Variants in IFI6 observed in about 807,000 individuals in gnomAD.
IFI6 encodes interferon alpha-inducible protein 6.
IFI6 carries 10 observed loss-of-function variants against 12.7 expected under a neutral mutation model. The observed-to-expected ratio is 0.79, with a 90% confidence interval of 0.49 to 1.33. The LOEUF is 1.33. Among genes scored for constraint, IFI6 ranks in the 40% most tolerant of loss-of-function variants. The pLI is 0.00. For synonymous variants in IFI6, 89 were observed against 86.2 expected (o/e 1.03, Z -0.18); for missense variants, 154 against 180.4 (o/e 0.85, Z 0.84).
rs758146778 is a variant in IFI6 at position 27,666,452 on chromosome 1, T to G, written c.322A>C (p.Ile108Leu). ...SLGAGGSSVVIGNIGALMGYA... is the reference protein window; with the variant it reads ...SLGAGGSSVVLGNIGALMGYA... ...CCCATCAGGGCACCAATATTACCTA[T>G]GACGACGCTGCTGCCACCAGCCCCT... is the stretch of plus-strand genomic sequence containing the variant. Residue 108 changes from isoleucine to leucine, a missense_variant, in exon 5 of 5, where the codon ATA (isoleucine) becomes CTA (leucine). Ile to Leu is a conservative substitution (Grantham distance 5). Coordinates refer to ENST00000361157, the MANE Select transcript of IFI6 (RefSeq NM_002038.4). 2 of 1,613,894 alleles carry G rather than the reference T, an allele frequency of 1.2e-6. No homozygotes were observed. The highest frequency in any genetic ancestry group is 1.7e-6 in the Non-Finnish European group (2 of 1,179,890).
intron 1 of IFI6, 107 bp from the exon 2 acceptor site, chr1:27,669,453 T>A: frequency 1.5e-6 from 1 of 688,916 alleles, no homozygotes; most frequent in Middle Eastern, 3.4e-4. Context: ...CAGCGAGGTG[T>A]GGTGAATGGA....
Position 27,668,546 on chromosome 1 carries a change from G to A in IFI6, c.71-11C>T, listed in dbSNP as rs1275131666. 6 of 1,587,696 alleles carry A rather than the reference G, an allele frequency of 3.8e-6. No homozygotes were observed. The Admixed American group carries it at 1.0e-4, about 27-fold the overall frequency. On this transcript the variant is annotated splice_polypyrimidine_tract_variant and intron_variant, in intron 2 of 4. Transcript: ENST00000361157. ...AGCACTTTTTCTTACCTGCAGGAGA[G>A]CAGACAAAGCGTAGTGGGGGTGTTG...
intron 2 of IFI6, 71 bp downstream of exon 2, chr1:27,669,162 CGCATCCTTACCT>C (rs1231705568): frequency 6.3e-6 from 9 of 1,417,652 alleles, no homozygotes; most frequent in Middle Eastern, 3.5e-4. Context: ...CATCCTTACC[CGCATCCTTACCT>C]GCACCCTTAC....
rs866931464 is a variant in IFI6 at position 27,666,313 on chromosome 1, G to T, written c.*68C>A. 2.2e-5 allele frequency: 8 copies of T among 370,436 alleles called. No individual in the cohort carries two copies. Among genetic ancestry groups the T allele is most frequent in the Non-Finnish European group, 3.5e-5 (8 of 225,408 alleles). 22.9% of individuals were successfully genotyped at this position (370,436 alleles called of 1,614,324 possible). A position where few individuals can be genotyped will look rare whatever the true frequency, so the allele number is the denominator to read the frequency against. On this transcript the variant is annotated 3_prime_UTR_variant, in exon 5 of 5. Transcript: ENST00000361157. ...TCAAAAAAAAAAAAAAAAAAAAAAA[G>T]GCAAAGTTCTAGATCCTAACTGGAA...
intron 1 of IFI6, chr1:27,669,627 C>T (rs2808428): frequency 0.98 from 378,743 of 387,268 alleles, 185,713 homozygotes; most frequent in East Asian, 1. Context: ...GTGGTTGTTC[C>T]TGGCCTTGTA....
intron 2 of IFI6, 65 bp downstream of exon 2, chr1:27,669,180 C>T (rs374131206): frequency 6.6e-7 from 1 of 1,517,154 alleles, no homozygotes; most frequent in Non-Finnish European, 9.0e-7. Context: ...TACCTGCACC[C>T]TTACTTGCAT....
rs184805184 is a variant in IFI6, at chr1:27,667,928, G to C, written c.298+298C>G. ...TCTACTAAAAATACAAAAATTAGCC[G>C]GGCGTGGTGGCGTGTGCCTGTAATC... On this transcript the variant is annotated intron_variant, in intron 4 of 4. Coordinates refer to ENST00000361157, the MANE Select transcript of IFI6 (RefSeq NM_002038.4). Among the ~76,000 whole-genome samples, 9 of 152,282 alleles carry C rather than the reference G, an allele frequency of 5.9e-5. No individual in the cohort carries two copies. In the South Asian group the frequency reaches 1.7e-3, roughly 28 times the overall value.
At chr1:27,671,353 C>A (rs2090402475) in intron 1 of IFI6, among the ~76,000 whole-genome samples, 1 of 151,532 alleles carries the variant, frequency 6.6e-6, no homozygotes, top group Admixed American at 6.6e-5. Context: ...GGTTTAAACC[C>A]ACAATTGGCT....
Position 27,672,153 on chromosome 1 carries a change from C to G in IFI6, c.-63G>C, listed in dbSNP as rs1420672713. The G allele has an allele frequency of 6.6e-6, 1 of 152,254 alleles. No individual in the cohort carries two copies. Among genetic ancestry groups the G allele is most frequent in the Admixed American group, 6.5e-5 (1 of 15,286 alleles). 9.4% of individuals were successfully genotyped at this position (152,254 alleles called of 1,614,324 possible). ...AGGAGAGAAGAGAAGCAATCTTCAG[C>G]CCGGAGCCTGCTGATAGATGGGCAC... On this transcript the variant is annotated 5_prime_UTR_variant, in exon 1 of 5. Coordinates refer to ENST00000361157, the MANE Select transcript of IFI6 (RefSeq NM_002038.4).
intron 1 of IFI6, among the ~76,000 whole-genome samples, chr1:27,671,811 G>A (rs1443528424): frequency 6.6e-6 from 1 of 152,180 alleles, no homozygotes; most frequent in Non-Finnish European, 1.5e-5. Context: ...AGCAGCAAAG[G>A]CAACTTAACT....
Position 27,666,465 on chromosome 1 carries a change from G to A in IFI6, c.309C>T (p.Gly103=), listed in dbSNP as rs2148543089. 6 of 1,613,344 alleles carry A rather than the reference G, an allele frequency of 3.7e-6. No individual in the cohort carries two copies. The highest frequency in any genetic ancestry group is 5.1e-6 in the Non-Finnish European group (6 of 1,179,522). The part of the protein sequence containing the change: ...VATLQSLGAG[G]SSVVIGNIGA... ...CAATATTACCTATGACGACGCTGCTGCCACCAGCCCCTGTAAAGCAAACAC... is the reference window on the plus strand; with the variant it reads ...CAATATTACCTATGACGACGCTGCTACCACCAGCCCCTGTAAAGCAAACAC... Residue 103 remains glycine (G), a synonymous_variant, in exon 5 of 5, where the codon GGC becomes GGT. Coordinates refer to ENST00000361157, the MANE Select transcript of IFI6 (RefSeq NM_002038.4).
At chr1:27,666,534 T>C in intron 4 of IFI6, 59 bp from the exon 5 acceptor site, 1 of 1,257,618 alleles carries the variant, frequency 8.0e-7, no homozygotes, top group South Asian at 1.2e-5. Context: ...GGAATCCAAA[T>C]GTCTGGAAAC....
intron 2 of IFI6, 113 bp from the exon 3 acceptor site, chr1:27,668,648 A>G (rs951763807): frequency 2.6e-6 from 2 of 779,402 alleles, no homozygotes; most frequent in Non-Finnish European, 4.2e-6. Context: ...CCACTCTCCT[A>G]CTCAGAGAGC....
intron 1 of IFI6, among the ~76,000 whole-genome samples, chr1:27,671,128 T>C (rs984803846): frequency 1.3e-5 from 2 of 152,162 alleles, no homozygotes; most frequent in African/African-American, 4.8e-5. Flanking sequence ...CTTTGTCAGA[T>C]CAATGCTATT....
rs1473351156 is a variant in IFI6, at chr1:27,666,284, C to A, written c.*97G>T. The stretch of plus-strand genomic sequence containing the variant: ...TAGCCTGGACAATATAGTGAGAACC[C>A]ATCTCAAAAAAAAAAAAAAAAAAAA... On this transcript the variant is annotated 3_prime_UTR_variant, in exon 5 of 5. Coordinates refer to ENST00000361157, the MANE Select transcript of IFI6 (RefSeq NM_002038.4). 7.4e-6 allele frequency: 4 copies of A among 542,286 alleles called. No homozygotes were observed. Among genetic ancestry groups the A allele is most frequent in the African/African-American group, 3.9e-5 (1 of 25,894 alleles). 33.6% of individuals were successfully genotyped at this position (542,286 alleles called of 1,614,324 possible). A position where few individuals can be genotyped will look rare whatever the true frequency, so the allele number is the denominator to read the frequency against.
At chr1:27,667,793 G>A (rs1206107669) in intron 4 of IFI6, among the ~76,000 whole-genome samples, 2 of 152,174 alleles carry the variant, frequency 1.3e-5, no homozygotes, top group East Asian at 1.9e-4. Context: ...ATTTCTGGCC[G>A]GACGCGGTGA....
At chr1:27,668,692 C>A (rs36103374) in intron 2 of IFI6, among the ~76,000 whole-genome samples, 157 bp from the exon 3 acceptor site, 2 of 152,048 alleles carry the variant, frequency 1.3e-5, no homozygotes, top group Non-Finnish European at 2.9e-5. Context: ...CCCTAGGCGC[C>A]GAGCCTGGCA....
chr1:27,667,092 G>GAAGT (rs1344826190), intron 4 of IFI6, among the ~76,000 whole-genome samples: 1 of 151,486 alleles, frequency 6.6e-6, no homozygotes, highest in Admixed American at 6.6e-5. Context: ...GAGAGAGAGG[G>GAAGT]AAGTAAGGCC....
chr1:27,669,722 A>G (rs758959997), intron 1 of IFI6: 1 of 242,704 alleles, frequency 4.1e-6, no homozygotes, highest in Non-Finnish European at 8.3e-6. Flanking sequence ...GTATTAATAG[A>G]GTCTATTTCA....
Sources: gnomAD v4.1 joint callset for allele counts (sites outside exome capture counted in the v4.1 genomes callset) on GRCh38, gnomAD v4.1.1 for gene constraint, MANE v1.5 for transcripts, NCBI Gene and HGNC (gene_info 2026-07-23, HGNC 2026-07-21) for gene names.